EVC: variants seen among roughly 807,000 people sequenced by gnomAD.
The protein encoded by EVC is evC complex member EVC.
EVC carries 116 observed loss-of-function variants against 118.9 expected under a neutral mutation model. The ratio of observed to expected loss-of-function variants is 0.98; its 90% CI spans 0.84 to 1.14. The LOEUF is 1.14. Among genes scored for constraint, EVC ranks in the 50% most tolerant of loss-of-function variants. The probability of loss-of-function intolerance (pLI) is 0.00; values close to 1 mark genes in which losing one functional copy is unlikely to be tolerated. For missense variants in EVC, 1,401 were observed against 1,246.4 expected, an observed-to-expected ratio of 1.12 and a Z score of -1.87; for synonymous variants, 619 against 534.7, an observed-to-expected ratio of 1.16 and a Z score of -2.18.
chr4:5,811,392 C>G lies in EVC; in HGVS notation c.*355C>G, dbSNP rs933138943. The stretch of plus-strand genomic sequence containing the variant: ...GACTCTGGAATCCCTGGCCCAAAGG[C>G]CTGTCTGGGCCCATCTGGGGCTGAG... On this transcript the variant is annotated 3_prime_UTR_variant, in exon 21 of 21. Transcript: ENST00000264956. 18 of 334,302 alleles carry G rather than the reference C, an allele frequency of 5.4e-5. No individual in the cohort carries two copies. Among genetic ancestry groups the G allele is most frequent in the African/African-American group, 3.2e-4 (15 of 46,898 alleles). 20.7% of individuals were successfully genotyped at this position (334,302 alleles called of 1,614,324 possible).
At chr4:5,790,744 A>G (rs1404469598) in intron 12 of EVC, among the ~76,000 whole-genome samples, 2 of 152,222 alleles carry the variant, frequency 1.3e-5, no homozygotes, top group African/African-American at 4.8e-5. Flanking sequence ...AGCCCTAAAA[A>G]CAAGACACTG....
chr4:5,718,383 A>T (rs530573868), intron 1 of EVC, among the ~76,000 whole-genome samples: 187 of 152,252 alleles, frequency 1.2e-3, no homozygotes, highest in Non-Finnish European at 2.2e-3. Flanking sequence ...ACCTGAATGA[A>T]GCTTCTGTAA....
Position 5,811,471 on chromosome 4 carries a change from G to C in EVC, c.*434G>C. 8.5e-6 allele frequency: 2 copies of C among 235,782 alleles called. No individual in the cohort carries two copies. Among genetic ancestry groups the C allele is most frequent in the Non-Finnish European group, 1.7e-5 (2 of 119,478 alleles). 14.6% of individuals were successfully genotyped at this position (235,782 alleles called of 1,614,324 possible). A position where few individuals can be genotyped will look rare whatever the true frequency, so the allele number is the denominator to read the frequency against. ...GAAATGTATTCTCTGAGGACACTTA[G>C]AATATGAGGAAGAGGGTGTGGCCCA... On this transcript the variant is annotated 3_prime_UTR_variant, in exon 21 of 21. Transcript: ENST00000264956.
downstream of EVC, among the ~76,000 whole-genome samples, chr4:5,816,886 C>T (rs1251499899): frequency 6.6e-6 from 1 of 152,146 alleles, no homozygotes; most frequent in African/African-American, 2.4e-5. Context: ...CACTTGCCGT[C>T]TCAGGCTTAG....
At chr4:5,736,317 A>G (rs1467602940) in intron 5 of EVC, among the ~76,000 whole-genome samples, 2 of 152,174 alleles carry the variant, frequency 1.3e-5, no homozygotes, top group African/African-American at 2.4e-5. Flanking sequence ...ACACACATAA[A>G]TGTGCATAAA....
chr4:5,819,426 C>T, the EVC span, among the ~76,000 whole-genome samples: 1 of 152,210 alleles, frequency 6.6e-6, no homozygotes, highest in Admixed American at 6.5e-5. Context: ...AGGAGTGTTG[C>T]AGCTCAGTCT....
intron 16 of EVC, 145 bp downstream of exon 16, chr4:5,802,239 T>G: frequency 8.1e-7 from 1 of 1,237,850 alleles, no homozygotes; most frequent in Non-Finnish European, 1.1e-6. Flanking sequence ...TCCCGTGCTT[T>G]GTCTCAAAAA....
the EVC span, chr4:5,826,760 T>G: frequency 6.5e-6 from 1 of 152,688 alleles, no homozygotes; most frequent in African/African-American, 2.4e-5. Context: ...CCATATCAGG[T>G]GACAGTGCCC....
At chr4:5,819,759 A>G in the EVC span, among the ~76,000 whole-genome samples, 1 of 152,130 alleles carries the variant, frequency 6.6e-6, no homozygotes, top group Non-Finnish European at 1.5e-5. Context: ...GAACATCAAA[A>G]ATCCTTACCA....
chr4:5,793,210 G>C (rs1015786276), intron 12 of EVC, among the ~76,000 whole-genome samples: 4 of 152,076 alleles, frequency 2.6e-5, no homozygotes, highest in African/African-American at 9.7e-5. Flanking sequence ...TACAGAAGCT[G>C]GGACAAGATG....
At chr4:5,808,417 T>C (rs1045982553) in intron 18 of EVC, 90 bp downstream of exon 18, 15 of 1,583,600 alleles carry the variant, frequency 9.5e-6, no homozygotes, top group Non-Finnish European at 1.2e-5. Flanking sequence ...ACGTCAGCCA[T>C]GGGGACTGCA....
chr4:5,774,634 G>A (rs1734456544), intron 11 of EVC, among the ~76,000 whole-genome samples: 1 of 152,058 alleles, frequency 6.6e-6, no homozygotes, highest in South Asian at 2.1e-4. Context: ...TGCGGCTGCA[G>A]AGGAGACAGC....
At position 5,719,254 on chromosome 4, in the gene EVC, G is replaced by A. The variant is rs779857768; in HGVS notation, c.181G>A (p.Asp61Asn). The A allele has an allele frequency of 3.7e-6, 6 of 1,614,024 alleles. No homozygotes were observed. The East Asian group carries it at 8.9e-5, about 24-fold the overall frequency. Residue 61 changes from aspartate (D) to asparagine (N), a missense_variant, in exon 2 of 21, where the codon GAC (aspartate) becomes AAC (asparagine). Coordinates refer to ENST00000264956, the MANE Select transcript of EVC (RefSeq NM_153717.3). This position sits in a 1 kb window ranked among gnomAD's most constrained non-coding sequence, Gnocchi z 4.7. ...CCTGACCTTCGGGTTTTAGAAAGAC[G>A]ACACTCAAAATCTGCTCAAGAATTT... ...GRQRTRHQKD[D>N]TQNLLKNLES...
Position 5,755,604 on chromosome 4 carries a change from C to A in EVC, c.1465-660C>A, listed in dbSNP as rs1026574663. Among the ~76,000 whole-genome samples, 1 of 152,264 alleles carries A rather than the reference C, an allele frequency of 6.6e-6. No homozygotes were observed. Among genetic ancestry groups the A allele is most frequent in the South Asian group, 2.1e-4 (1 of 4,826 alleles). ...CTCTGCTGCTGCTCGCTGAGCCTGG[C>A]TCCCCATCTTCCCTCCAAGGAGTCC... On this transcript the variant is annotated intron_variant, in intron 10 of 20. Transcript: ENST00000264956. The surrounding 1 kb of genome is among the most constrained non-coding windows in gnomAD (Gnocchi z 4.1).
In EVC at chr4:5,798,361, G is replaced by A. The variant is rs955693972; in HGVS notation, c.2098-225G>A. ...GGCCATAGATGGTACTGGGCACGCA[G>A]TTGATGCTCAATAAATGCCCTTTTT... On this transcript the variant is annotated intron_variant, in intron 14 of 20. Coordinates refer to ENST00000264956, the MANE Select transcript of EVC (RefSeq NM_153717.3). This position sits in a 1 kb window ranked among gnomAD's most constrained non-coding sequence, Gnocchi z 4.1. Among the ~76,000 whole-genome samples, 5 of 152,236 alleles carry A rather than the reference G, an allele frequency of 3.3e-5. No homozygotes were observed. Among genetic ancestry groups the A allele is most frequent in the African/African-American group, 4.8e-5 (2 of 41,464 alleles).
intron 4 of EVC, 110 bp from the exon 5 acceptor site, chr4:5,733,241 G>A (rs1727127958): frequency 2.3e-6 from 2 of 874,364 alleles, no homozygotes; most frequent in South Asian, 2.6e-5. Flanking sequence ...CAGAATGAGA[G>A]TTTGAGGCAG....
At chr4:5,745,108 A>G in intron 6 of EVC, 96 bp from the exon 7 acceptor site, 1 of 1,273,902 alleles carries the variant, frequency 7.8e-7, no homozygotes, top group Non-Finnish European at 1.1e-6. Flanking sequence ...ATATTTTGTG[A>G]AATTTGAAAA....
At chr4:5,828,845 C>CAACA in the EVC span, among the ~76,000 whole-genome samples, 1 of 151,980 alleles carries the variant, frequency 6.6e-6, no homozygotes, top group Non-Finnish European at 1.5e-5. Flanking sequence ...TGTATATAAC[C>CAACA]AACAACTCAC....
At chr4:5,775,064 A>G (rs937579108) in intron 11 of EVC, among the ~76,000 whole-genome samples, 1 of 152,120 alleles carries the variant, frequency 6.6e-6, no homozygotes, top group African/African-American at 2.4e-5. Context: ...CAAATCCCGC[A>G]TATTTTTGTG....
Sources: gnomAD v4.1 joint callset for allele counts (sites outside exome capture counted in the v4.1 genomes callset) on GRCh38, gnomAD v4.1.1 for gene constraint, Gnocchi (gnomAD v3.1) non-coding constraint, MANE v1.5 for transcripts, NCBI Gene and HGNC (gene_info 2026-07-23, HGNC 2026-07-21) for gene names.